Variants in NOL4L observed in about 807,000 individuals in gnomAD.
The protein encoded by NOL4L is nucleolar protein 4-like.
NOL4L carries 7 observed loss-of-function variants against 64.5 expected under a neutral mutation model. That is an observed-to-expected ratio of 0.11 (90% CI 0.06 to 0.20). The LOEUF (loss-of-function observed/expected upper bound fraction) is 0.20. NOL4L is among the 10% of genes least tolerant of loss of function. The pLI is 1.00. For missense variants in NOL4L, 680 were observed against 967.1 expected (o/e 0.70, Z 3.94); for synonymous variants, 413 against 401.0 (o/e 1.03, Z -0.36).
intron 4 of NOL4L, among the ~76,000 whole-genome samples, chr20:32,497,098 C>T (rs1276168463): frequency 7.0e-6 from 1 of 143,148 alleles, no homozygotes; most frequent in Non-Finnish European, 1.5e-5. Context: ...GAGGTAAACA[C>T]AATCATGACC....
rs150891059 is a variant in NOL4L at position 32,444,960 on chromosome 20, C to CAAT, written c.*2635_*2636insATT. ...TGCATCTTTTAAAACAAAAGCAAAA[C>CAAT]AAGTTCCCTGACTGAGCCAGCTAAA... On this transcript the variant is annotated 3_prime_UTR_variant, in exon 11 of 11. Coordinates refer to ENST00000621426, the MANE Select transcript of NOL4L (RefSeq NM_001256798.2). The CAAT allele has an allele frequency of 6.6e-6, 1 of 151,714 alleles. No individual in the cohort carries two copies. The highest frequency in any genetic ancestry group is 2.4e-5 in the African/African-American group (1 of 41,240). The allele number at this position is 151,714 out of a possible 1,614,324, so 9.4% of individuals were successfully genotyped here.
intron 4 of NOL4L, chr20:32,483,228 C>G (rs1388633673): frequency 2.4e-6 from 1 of 423,604 alleles, no homozygotes. Context: ...CTGCGCCCCC[C>G]TCCCCAGAAC....
intron 4 of NOL4L, among the ~76,000 whole-genome samples, chr20:32,488,795 C>CT (rs762340184): frequency 4.2e-5 from 2 of 47,072 alleles, no homozygotes; most frequent in East Asian, 2.5e-3. Context: ...TCCTTCCTTT[C>CT]TTTCTTTCTT....
intron 4 of NOL4L, among the ~76,000 whole-genome samples, chr20:32,495,823 G>A (rs2016666617): frequency 6.6e-6 from 1 of 152,116 alleles, no homozygotes; most frequent in African/African-American, 2.4e-5. Flanking sequence ...TGGGCGCGGT[G>A]TTGAGCACCT....
chr20:32,523,287 C>T (rs1032069646), intron 2 of NOL4L, among the ~76,000 whole-genome samples: 3 of 152,196 alleles, frequency 2.0e-5, no homozygotes, highest in African/African-American at 7.2e-5. Context: ...CCCTGCCCCA[C>T]AAGGCTGGAT....
At chr20:32,462,589 C>A (rs548234726) in intron 5 of NOL4L, among the ~76,000 whole-genome samples, 15 of 132,750 alleles carry the variant, frequency 1.1e-4, no homozygotes, top group African/African-American at 3.6e-4. Context: ...GATTGGAATT[C>A]TTCCTCCCAC....
chr20:32,510,311 C>A (rs1233331470), intron 4 of NOL4L: 1 of 270,074 alleles, frequency 3.7e-6, no homozygotes, highest in Non-Finnish European at 7.4e-6. Flanking sequence ...GGCCGCCCTG[C>A]CTCTTGAAAG....
intron 1 of NOL4L, among the ~76,000 whole-genome samples, chr20:32,556,549 A>C (rs1318798859): frequency 6.6e-6 from 1 of 152,156 alleles, no homozygotes; most frequent in Non-Finnish European, 1.5e-5. Context: ...AGAGACTAGA[A>C]GCGGAGGCTC....
rs141860075 is a variant in NOL4L at position 32,528,536 on chromosome 20, G to A, written c.322-623C>T. 6.6e-5 allele frequency among the ~76,000 whole-genome samples: 10 copies of A among 152,374 alleles called. 1 individual carries two copies. In the Middle Eastern group the frequency reaches 0.01, roughly 155 times the overall value. On this transcript the variant is annotated intron_variant, in intron 1 of 10. Coordinates refer to ENST00000621426, the MANE Select transcript of NOL4L (RefSeq NM_001256798.2). Reference sequence around the variant, plus strand: ...GAGGAGGTGGCAGGGCCGTGTGAACGGGGCGGCCGTGGGCCCCGAGCCTCT... The same window carrying A: ...GAGGAGGTGGCAGGGCCGTGTGAACAGGGCGGCCGTGGGCCCCGAGCCTCT...
At chr20:32,572,718 T>C (rs1979829934) in intron 1 of NOL4L, among the ~76,000 whole-genome samples, 1 of 152,000 alleles carries the variant, frequency 6.6e-6, no homozygotes, top group South Asian at 2.1e-4. Flanking sequence ...AGGCCCCCTC[T>C]CCTCCAGATC....
chr20:32,511,890 T>C lies in NOL4L; in HGVS notation c.590-434A>G, dbSNP rs2017422382. 2.6e-5 allele frequency among the ~76,000 whole-genome samples: 4 copies of C among 152,194 alleles called. No individual in the cohort carries two copies. In the South Asian group the frequency reaches 8.3e-4, roughly 32 times the overall value. On this transcript the variant is annotated intron_variant, in intron 3 of 10. Coordinates refer to ENST00000621426, the MANE Select transcript of NOL4L (RefSeq NM_001256798.2). ...ACGTGGTGGTGTGTGCCTGTAGTCC[T>C]AGCTACATAGGAGGCTGAAGTGGGA...
intron 5 of NOL4L, among the ~76,000 whole-genome samples, chr20:32,462,923 ACT>A (rs2014222314): frequency 4.0e-5 from 6 of 148,812 alleles, no homozygotes; most frequent in Non-Finnish European, 7.4e-5. Flanking sequence ...AAAAAAAAAA[ACT>A]GATTTAAAAG....
chr20:32,475,124 C>CCGG, intron 4 of NOL4L: 1 of 985,456 alleles, frequency 1.0e-6, no homozygotes, highest in Non-Finnish European at 1.2e-6. Context: ...TGCACAGGAC[C>CCGG]CGGCGGCAAG....
chr20:32,546,632 T>G (rs2018737058), intron 1 of NOL4L, among the ~76,000 whole-genome samples: 1 of 152,018 alleles, frequency 6.6e-6, no homozygotes, highest in African/African-American at 2.4e-5. Flanking sequence ...AGACAGAGTT[T>G]CTCCATGATC....
At chr20:32,543,800 A>G (rs1427033140) in intron 1 of NOL4L, among the ~76,000 whole-genome samples, 2 of 141,430 alleles carry the variant, frequency 1.4e-5, no homozygotes, top group East Asian at 2.0e-4. Context: ...AGAAAAAAAC[A>G]AAAAAAAAAA....
chr20:32,542,898 C>T (rs956560500), intron 1 of NOL4L, among the ~76,000 whole-genome samples: 5 of 152,158 alleles, frequency 3.3e-5, no homozygotes. Flanking sequence ...CCACTGGCTC[C>T]TCTTTAAAGT....
At position 32,463,992 on chromosome 20, in the gene NOL4L, T is replaced by C. The variant is rs996367018; in HGVS notation, c.842-7597A>G. Among the ~76,000 whole-genome samples, 2 of 151,132 alleles carry C rather than the reference T, an allele frequency of 1.3e-5. No homozygotes were observed. The highest frequency in any genetic ancestry group is 4.9e-5 in the African/African-American group (2 of 40,916). On this transcript the variant is annotated intron_variant, in intron 5 of 10. Coordinates refer to ENST00000621426, the MANE Select transcript of NOL4L (RefSeq NM_001256798.2). This position sits in a 1 kb window ranked among gnomAD's most constrained non-coding sequence, Gnocchi z 5.8. The stretch of plus-strand genomic sequence containing the variant: ...GCTGCTGGAGGCAGTGCCGCCTCCA[T>C]GAGACTCTGTCACAGCAGCAGCCAG...
intron 1 of NOL4L, chr20:32,536,959 G>A (rs1398159736): frequency 1.5e-6 from 1 of 652,128 alleles, no homozygotes; most frequent in Non-Finnish European, 1.9e-6. Flanking sequence ...GCGCCCGCGC[G>A]GGCCCCGCCC....
At chr20:32,455,087 C>A (rs1448500244) in intron 6 of NOL4L, among the ~76,000 whole-genome samples, 4 of 152,220 alleles carry the variant, frequency 2.6e-5, no homozygotes, top group African/African-American at 9.6e-5. Flanking sequence ...CATTCCCACG[C>A]CACTCCTCAG....
Sources: gnomAD v4.1 joint callset for allele counts (sites outside exome capture counted in the v4.1 genomes callset) on GRCh38, gnomAD v4.1.1 for gene constraint, Gnocchi (gnomAD v3.1) non-coding constraint, MANE v1.5 for transcripts, NCBI Gene and HGNC (gene_info 2026-07-23, HGNC 2026-07-21) for gene names.